The following IDE variants were observed in gnomAD, a reference collection of about 807,000 sequenced individuals.
IDE encodes insulin-degrading enzyme.
A neutral mutation model predicts 133.2 loss-of-function variants in IDE; 58 were observed. The observed-to-expected ratio is 0.44, with a 90% CI of 0.35 to 0.54. The LOEUF is 0.54. Ranked by LOEUF, IDE falls within the 20% of genes least tolerant of loss-of-function variation. IDE has a pLI of 0.00. For missense variants in IDE, 981 were observed against 1,234.0 expected (o/e 0.79, Z 3.07); for synonymous variants, 396 against 421.3 (o/e 0.94, Z 0.73).
rs143576861 is a variant in IDE at position 92,525,284 on chromosome 10, A to G, written c.661+6464T>C. Among the ~76,000 whole-genome samples, 7 of 152,332 alleles carry G rather than the reference A, an allele frequency of 4.6e-5. No homozygotes were observed. The East Asian group carries it at 1.4e-3, about 29-fold the overall frequency. ...ATAAAACAAAAACATGATACATCAC[A>G]GTAACAGAATCAAGGACAAACACCA... On this transcript the variant is annotated intron_variant, in intron 4 of 24. Transcript: ENST00000265986.
At chr10:92,555,675 AAG>A (rs1842971671) in intron 1 of IDE, among the ~76,000 whole-genome samples, 2 of 152,178 alleles carry the variant, frequency 1.3e-5, no homozygotes, top group Admixed American at 1.3e-4. Flanking sequence ...CTAGGAATAA[AAG>A]AGAATTTCCT....
chr10:92,528,263 A>G (rs1849732640), intron 4 of IDE, among the ~76,000 whole-genome samples: 1 of 152,182 alleles, frequency 6.6e-6, no homozygotes, highest in African/African-American at 2.4e-5. Context: ...TCCATTAATC[A>G]TGAAGTTTGA....
chr10:92,454,566 T>C (rs1397648883), intron 24 of IDE, 27 bp from the exon 25 acceptor site: 1 of 1,540,932 alleles, frequency 6.5e-7, no homozygotes, highest in African/African-American at 1.4e-5. Context: ...TTCCTTTTAG[T>C]GTATTTAACC....
intron 18 of IDE, 99 bp downstream of exon 18, chr10:92,470,155 C>T (rs4646957): frequency 0.38 from 290,721 of 766,512 alleles, 58,467 homozygotes; most frequent in African/African-American, 0.63. Context: ...CTAATGTGTT[C>T]CTTATCACAC....
intron 11 of IDE, 49 bp from the exon 12 acceptor site, chr10:92,490,644 T>C (rs1464193547): frequency 1.8e-6 from 2 of 1,088,938 alleles, no homozygotes; most frequent in African/African-American, 3.2e-5. Flanking sequence ...TCATACTGTA[T>C]ATATGAATTT....
rs777154353 is a variant in IDE, at chr10:92,508,873, T to C, written c.915A>G (p.Val305=). 1 of 1,612,256 alleles carries C rather than the reference T, an allele frequency of 6.2e-7. No homozygotes were observed. The highest frequency in any genetic ancestry group is 1.7e-5 in the Admixed American group (1 of 60,012). The part of the protein sequence containing the change: ...EEHLKQLYKI[V]PIKDIRNLYV... ...AGAGATTCCTAATATCTTTAATGGG[T>C]ACTATTTTGTAAAGTTGCTGGAGAA... Residue 305 remains valine, a synonymous_variant, in exon 7 of 25, where the codon GTA becomes GTG. Transcript: ENST00000265986.
intron 13 of IDE, among the ~76,000 whole-genome samples, chr10:92,485,129 T>C (rs1413692248): frequency 1.4e-4 from 20 of 139,340 alleles, no homozygotes; most frequent in Admixed American, 1.1e-3. Context: ...TTCTTTCTTT[T>C]TTTTTTTTTT....
Position 92,557,451 on chromosome 10 carries a change from G to T in IDE, c.98+16471C>A, listed in dbSNP as rs572992331. 3.4e-3 allele frequency among the ~76,000 whole-genome samples: 516 copies of T among 152,206 alleles called. 1 individual carries two copies. Among genetic ancestry groups the T allele is most frequent in the African/African-American group, 0.011 (471 of 41,524 alleles). ...CTCAGGAGGCTGAGGCAGGAGAATG[G>T]TGTGAACCTGAGAGGCGGAGCTTGC... On this transcript the variant is annotated intron_variant, in intron 1 of 24. Transcript: ENST00000265986.
chr10:92,563,706 G>A (rs550890251), intron 1 of IDE, among the ~76,000 whole-genome samples: 40 of 151,282 alleles, frequency 2.6e-4, no homozygotes, highest in Admixed American at 1.3e-3. Flanking sequence ...AGTGAGCCGG[G>A]ATCACGCCAC....
intron 11 of IDE, among the ~76,000 whole-genome samples, chr10:92,502,572 T>A (rs1055901733): frequency 1.3e-5 from 2 of 152,218 alleles, no homozygotes; most frequent in Non-Finnish European, 1.5e-5. Context: ...TTTCTACATA[T>A]GCAATTATGT....
intron 7 of IDE, 28 bp downstream of exon 7, chr10:92,508,700 C>T (rs1014945433): frequency 4.4e-6 from 7 of 1,605,496 alleles, no homozygotes; most frequent in Non-Finnish European, 6.0e-6. Flanking sequence ...GTGGTGGACA[C>T]TCAGAAGATG....
At chr10:92,473,987 A>G (rs1197788622) in intron 17 of IDE, among the ~76,000 whole-genome samples, 1 of 152,174 alleles carries the variant, frequency 6.6e-6, no homozygotes, top group Non-Finnish European at 1.5e-5. Context: ...TCTTTAAAAA[A>G]AAAAACACCA....
intron 18 of IDE, among the ~76,000 whole-genome samples, chr10:92,469,375 C>A (rs1845847773): frequency 6.6e-6 from 1 of 152,002 alleles, no homozygotes; most frequent in Non-Finnish European, 1.5e-5. Context: ...TAGCATCTGA[C>A]CTTGGGCATA....
intron 1 of IDE, among the ~76,000 whole-genome samples, chr10:92,545,367 G>A (rs1842495154): frequency 6.6e-6 from 1 of 152,114 alleles, no homozygotes; most frequent in Non-Finnish European, 1.5e-5. Context: ...AGAATCTACT[G>A]ACAACTTCCA....
chr10:92,487,892 G>T lies in IDE; in HGVS notation c.1534-574C>A, dbSNP rs188327612. Among the ~76,000 whole-genome samples, 571 of 152,210 alleles carry T rather than the reference G, an allele frequency of 3.8e-3. 1 individual carries two copies. The highest frequency in any genetic ancestry group is 7.0e-3 in the Non-Finnish European group (473 of 68,006). ...ACTCACTGCAACCTCCACCTCCTGCGTTCAAGTGATTCTTGTGCCTCAGCC... is the reference window on the plus strand; with the variant it reads ...ACTCACTGCAACCTCCACCTCCTGCTTTCAAGTGATTCTTGTGCCTCAGCC... On this transcript the variant is annotated intron_variant, in intron 12 of 24. Transcript: ENST00000265986.
Position 92,469,436 on chromosome 10 carries a change from T to A in IDE, c.2209-446A>T, listed in dbSNP as rs1845852403. Among the ~76,000 whole-genome samples the A allele has an allele frequency of 3.4e-5, 5 of 148,386 alleles. No individual in the cohort carries two copies. In the South Asian group the frequency reaches 1.0e-3, roughly 31 times the overall value. ...TGGTAGAGACCAAGGGATCTTTTCT[T>A]TTTTTTTTTTGAGACAGGGTTTCGT... On this transcript the variant is annotated intron_variant, in intron 18 of 24. Transcript: ENST00000265986.
At chr10:92,564,382 CTG>C (rs1329088056) in intron 1 of IDE, among the ~76,000 whole-genome samples, 2 of 152,020 alleles carry the variant, frequency 1.3e-5, no homozygotes, top group Admixed American at 6.6e-5. Flanking sequence ...ATATAAGAAA[CTG>C]TACTAGGCCG....
intron 11 of IDE, 134 bp from the exon 12 acceptor site, chr10:92,490,729 A>T (rs535479006): frequency 4.8e-6 from 3 of 629,000 alleles, no homozygotes; most frequent in Non-Finnish European, 8.4e-6. Flanking sequence ...CAAATCCTGT[A>T]AGGCTTAGTC....
chr10:92,515,657 G>A (rs1564640319), intron 4 of IDE, among the ~76,000 whole-genome samples: 5 of 149,806 alleles, frequency 3.3e-5, no homozygotes, highest in Admixed American at 2.0e-4. Context: ...CGCCTCCCGG[G>A]TTCAAGTGAT....
Sources: allele counts gnomAD v4.1 joint callset (sites outside exome capture counted in the v4.1 genomes callset), GRCh38; gene constraint gnomAD v4.1.1; transcripts MANE v1.5; gene names NCBI Gene and HGNC (gene_info 2026-07-23, HGNC 2026-07-21).